The following CDH19 variants were observed in gnomAD, a reference collection of about 807,000 sequenced individuals.
CDH19 encodes cadherin 19, also known as cadherin-19.
CDH19 carries 67 observed loss-of-function variants against 64.2 expected under a neutral mutation model. That is an observed-to-expected ratio of 1.04 (90% confidence interval 0.86 to 1.28). CDH19 has a LOEUF of 1.28. CDH19 is among the 50% of genes most tolerant of loss of function. The pLI is 0.00. For synonymous variants in CDH19, 346 were observed against 319.3 expected (o/e 1.08, Z -0.89); for missense variants, 1,030 against 929.0 (o/e 1.11, Z -1.41).
chr18:66,540,131 T>A (rs921217705), intron 7 of CDH19, among the ~76,000 whole-genome samples: 11 of 152,272 alleles, frequency 7.2e-5, no homozygotes, highest in Admixed American at 2.6e-4. Flanking sequence ...ATTAATAAAC[T>A]TTAGCAATAT....
intron 3 of CDH19, among the ~76,000 whole-genome samples, chr18:66,558,133 T>C (rs1348986860): frequency 6.7e-6 from 1 of 149,036 alleles, no homozygotes; most frequent in African/African-American, 2.5e-5. Context: ...GACAGACATG[T>C]ATCTGTATCT....
At chr18:66,512,265 T>C (rs1466848529) in intron 9 of CDH19, among the ~76,000 whole-genome samples, 1 of 151,590 alleles carries the variant, frequency 6.6e-6, no homozygotes, top group East Asian at 1.9e-4. Context: ...TCTCTATATC[T>C]CAGATCATAA....
intron 1 of CDH19, among the ~76,000 whole-genome samples, chr18:66,599,493 G>A (rs1055732533): frequency 2.6e-5 from 4 of 151,956 alleles, no homozygotes; most frequent in African/African-American, 9.7e-5. Context: ...ACAGTGTGGC[G>A]AATACAGTTA....
chr18:66,601,412 T>TA (rs750674480), intron 1 of CDH19, among the ~76,000 whole-genome samples: 5 of 152,044 alleles, frequency 3.3e-5, no homozygotes, highest in Non-Finnish European at 7.4e-5. Context: ...TTTAATACAG[T>TA]ATCTTGCAAA....
intron 9 of CDH19, among the ~76,000 whole-genome samples, chr18:66,518,074 T>C (rs979935839): frequency 6.6e-6 from 1 of 152,090 alleles, no homozygotes; most frequent in Non-Finnish European, 1.5e-5. Flanking sequence ...CTTATTACTG[T>C]TTTAAATTAT....
chr18:66,556,843 T>G (rs1987538203), intron 3 of CDH19, among the ~76,000 whole-genome samples: 1 of 151,732 alleles, frequency 6.6e-6, no homozygotes, highest in Non-Finnish European at 1.5e-5. Context: ...ATCATGAAAA[T>G]GCAAATAAAA....
chr18:66,533,816 A>T (rs1986550881), intron 8 of CDH19, among the ~76,000 whole-genome samples: 1 of 152,072 alleles, frequency 6.6e-6, no homozygotes, highest in Non-Finnish European at 1.5e-5. Context: ...TAGCAAATGC[A>T]GCTAGATGAT....
intron 1 of CDH19, among the ~76,000 whole-genome samples, chr18:66,595,183 C>A (rs1988852220): frequency 1.3e-5 from 2 of 151,806 alleles, no homozygotes; most frequent in South Asian, 4.2e-4. Flanking sequence ...ATCTCTGGAA[C>A]ACTGCTAAAG....
intron 1 of CDH19, among the ~76,000 whole-genome samples, chr18:66,582,907 G>C (rs546278988): frequency 6.6e-6 from 1 of 152,082 alleles, no homozygotes; most frequent in Non-Finnish European, 1.5e-5. Context: ...AAGACTGAGT[G>C]TGCAAAAGTT....
chr18:66,536,432 T>C (rs993215977), intron 7 of CDH19, among the ~76,000 whole-genome samples: 5 of 151,772 alleles, frequency 3.3e-5, no homozygotes, highest in African/African-American at 9.7e-5. Flanking sequence ...TCACACCTAA[T>C]AGAATTGTTG....
Position 66,504,922 on chromosome 18 carries a change from C to G in CDH19, c.2209G>C (p.Glu737Gln). 1.1e-5 allele frequency: 17 copies of G among 1,613,468 alleles called. No individual in the cohort carries two copies. Among genetic ancestry groups the G allele is most frequent in the Non-Finnish European group, 1.4e-5 (17 of 1,179,708 alleles). The change falls in exon 12 of 12, where the codon GAA becomes CAA. Residue 737 changes from glutamate to glutamine, a missense_variant. Transcript: ENST00000262150. ...TCATCCTGATCAGAGACTGCTGATT[C>G]TAAGGAGCTCAGGGATCCAGCTAAT... ...GSLAGSLSSL[E>Q]SAVSDQDESY...
At chr18:66,571,644 A>T (rs2144580439) in intron 2 of CDH19, among the ~76,000 whole-genome samples, 1 of 151,794 alleles carries the variant, frequency 6.6e-6, no homozygotes, top group Admixed American at 6.6e-5. Context: ...ACGAGGGGTA[A>T]ATCAACAGCT....
At chr18:66,586,564 A>T (rs79487490) in intron 1 of CDH19, among the ~76,000 whole-genome samples, 1 of 151,910 alleles carries the variant, frequency 6.6e-6, no homozygotes, top group African/African-American at 2.4e-5. Flanking sequence ...AAAAGAAGGA[A>T]GCCACAAAGT....
intron 9 of CDH19, among the ~76,000 whole-genome samples, chr18:66,520,863 T>C (rs899309320): frequency 2.1e-4 from 32 of 152,232 alleles, no homozygotes; most frequent in African/African-American, 7.5e-4. Flanking sequence ...TTGATTGTTA[T>C]GTAATCTTAT....
intron 3 of CDH19, among the ~76,000 whole-genome samples, chr18:66,567,447 TC>T (rs1442478309): frequency 6.6e-6 from 1 of 151,816 alleles, no homozygotes; most frequent in Non-Finnish European, 1.5e-5. Flanking sequence ...GCTATTTACA[TC>T]TCATAATAAT....
At chr18:66,581,076 A>G (rs1372836452) in intron 1 of CDH19, among the ~76,000 whole-genome samples, 1 of 152,140 alleles carries the variant, frequency 6.6e-6, no homozygotes, top group Non-Finnish European at 1.5e-5. Flanking sequence ...ATATTTTCCA[A>G]TCAGATGAAT....
chr18:66,516,455 A>G (rs1450502555), intron 9 of CDH19, among the ~76,000 whole-genome samples: 1 of 152,074 alleles, frequency 6.6e-6, no homozygotes, highest in African/African-American at 2.4e-5. Context: ...GTGTTCATAA[A>G]TTGAGAATGG....
intron 7 of CDH19, among the ~76,000 whole-genome samples, chr18:66,541,511 C>A (rs72954426): frequency 0.11 from 16,854 of 151,882 alleles, 1,242 homozygotes; most frequent in Admixed American, 0.16. Context: ...CAAAAAGAAG[C>A]CTCCTGAAAT....
At position 66,544,097 on chromosome 18, in the gene CDH19, T is replaced by C. The variant is rs1383743838; in HGVS notation, c.1088A>G (p.Asp363Gly). Reference protein sequence around the residue: ...STTFIKIQVEDVDEPPLFLLP... With the variant: ...STTFIKIQVEGVDEPPLFLLP... ...GAGGAAAAGAGGAGGCTCATCAACA[T>C]CTTCCACCTGGATCTTAATGAAAGT... The change falls in exon 7 of 12, where the codon GAT becomes GGT. Residue 363 changes from aspartate to glycine, a missense_variant. Asp to Gly is a moderately conservative substitution (Grantham distance 94, BLOSUM62 -1). Coordinates refer to ENST00000262150, the MANE Select transcript of CDH19 (RefSeq NM_021153.4). The C allele has an allele frequency of 6.2e-7, 1 of 1,613,994 alleles. No individual in the cohort carries two copies. Among genetic ancestry groups the C allele is most frequent in the Non-Finnish European group, 8.5e-7 (1 of 1,179,938 alleles).
Sources: gnomAD v4.1 joint callset for allele counts (sites outside exome capture counted in the v4.1 genomes callset) on GRCh38, gnomAD v4.1.1 for gene constraint, MANE v1.5 for transcripts, NCBI Gene and HGNC (gene_info 2026-07-23, HGNC 2026-07-21) for gene names.